Variants in PSMA5 observed in about 807,000 individuals in gnomAD.
PSMA5 encodes the protein proteasome subunit alpha type-5.
In PSMA5, 3 loss-of-function variants were observed where a neutral mutation model predicts 34.5. The observed-to-expected ratio is 0.09, with a 90% confidence interval of 0.04 to 0.22. The LOEUF is 0.22. Ranked by LOEUF, PSMA5 falls within the 10% of genes least tolerant of loss-of-function variation. The pLI, the probability that PSMA5 is intolerant of heterozygous loss-of-function variation, is 1.00. For synonymous variants in PSMA5, 88 were observed against 95.8 expected, an observed-to-expected ratio of 0.92 and a Z score of 0.47; for missense variants, 120 against 286.1, an observed-to-expected ratio of 0.42 and a Z score of 4.19.
chr1:109,423,645 G>A (rs1395800590), intron 1 of PSMA5, among the ~76,000 whole-genome samples: 1 of 152,058 alleles, frequency 6.6e-6, no homozygotes, highest in Non-Finnish European at 1.5e-5. Context: ...AAATCTTCCA[G>A]TGTTCCCAAC....
Position 109,400,779 on chromosome 1 carries a change from T to C in PSMA5, c.*1234A>G, listed in dbSNP as rs1456647628. On this transcript the variant is annotated 3_prime_UTR_variant, in exon 9 of 9. Coordinates refer to ENST00000271308, the MANE Select transcript of PSMA5 (RefSeq NM_002790.4). ...CAAATAGTCATAATTTATTAACATA[T>C]AGTACAACTTCCTACACATCAATAT... The C allele has an allele frequency of 1.3e-5, 2 of 152,226 alleles. No homozygotes were observed. Among genetic ancestry groups the C allele is most frequent in the African/African-American group, 4.8e-5 (2 of 41,452 alleles). The allele number at this position is 152,226 out of a possible 1,614,324, so 9.4% of individuals were successfully genotyped here.
At chr1:109,418,235 C>T (rs1654293874) in intron 2 of PSMA5, among the ~76,000 whole-genome samples, 1 of 151,992 alleles carries the variant, frequency 6.6e-6, no homozygotes, top group Admixed American at 6.5e-5. Flanking sequence ...TCCTCATGAC[C>T]ACTAAATTTA....
chr1:109,419,151 C>T (rs1324737763), intron 2 of PSMA5, among the ~76,000 whole-genome samples: 1 of 151,976 alleles, frequency 6.6e-6, no homozygotes, highest in African/African-American at 2.4e-5. Context: ...AAAACTCCAC[C>T]TCAAAATAAA....
chr1:109,419,597 G>T (rs1316608100), intron 2 of PSMA5, among the ~76,000 whole-genome samples: 2 of 152,098 alleles, frequency 1.3e-5, no homozygotes, highest in African/African-American at 4.8e-5. Context: ...AGGGTCAGGA[G>T]TTCGAGACCA....
chr1:109,421,930 T>C lies in PSMA5; in HGVS notation c.30-4A>G. The stretch of plus-strand genomic sequence containing the variant: ...GGGAGAAAAAGTATTCACGCCCCTA[T>C]AATTTAAAAAAAAATTATTAATTAT... On this transcript the variant is annotated splice_region_variant and splice_polypyrimidine_tract_variant and intron_variant, in intron 1 of 8. Coordinates refer to ENST00000271308, the MANE Select transcript of PSMA5 (RefSeq NM_002790.4). 3 of 1,493,122 alleles carry C rather than the reference T, an allele frequency of 2.0e-6. No individual in the cohort carries two copies. Among genetic ancestry groups the C allele is most frequent in the Non-Finnish European group, 2.7e-6 (3 of 1,129,390 alleles). The allele number at this position is 1,493,122 out of a possible 1,614,324, so 92.5% of individuals were successfully genotyped here.
At chr1:109,411,797 C>T in intron 6 of PSMA5, 80 bp downstream of exon 6, 1 of 1,401,374 alleles carries the variant, frequency 7.1e-7, no homozygotes, top group East Asian at 2.3e-5. Flanking sequence ...TAACAGTCTA[C>T]AATAATCTTC....
chr1:109,406,873 T>C (rs1301718254), intron 8 of PSMA5, among the ~76,000 whole-genome samples: 1 of 152,120 alleles, frequency 6.6e-6, no homozygotes, highest in East Asian at 1.9e-4. Context: ...AATAGGTACA[T>C]TTTACTGTAT....
intron 2 of PSMA5, among the ~76,000 whole-genome samples, chr1:109,416,850 A>G (rs1654221208): frequency 6.6e-6 from 1 of 152,304 alleles, no homozygotes; most frequent in African/African-American, 2.4e-5. Flanking sequence ...CATGCCTGTA[A>G]TCCCAGCACT....
At chr1:109,402,142 G>T in intron 8 of PSMA5, 52 bp from the exon 9 acceptor site, 1 of 1,346,472 alleles carries the variant, frequency 7.4e-7, no homozygotes, top group Non-Finnish European at 1.1e-6. Context: ...CCCTGCTGAT[G>T]GCCCTACCAT....
chr1:109,419,966 C>A (rs1654375106), intron 2 of PSMA5, among the ~76,000 whole-genome samples: 1 of 142,666 alleles, frequency 7.0e-6, no homozygotes. Flanking sequence ...GAGCAAGACT[C>A]TGTCTCAAAA....
intron 8 of PSMA5, among the ~76,000 whole-genome samples, chr1:109,406,145 A>T (rs1653750324): frequency 6.6e-6 from 1 of 152,236 alleles, no homozygotes; most frequent in Admixed American, 6.5e-5. Flanking sequence ...CCTTCAAAAA[A>T]GTCAAATGAT....
At chr1:109,414,731 T>A (rs1463968161) in intron 3 of PSMA5, 2 of 152,378 alleles carry the variant, frequency 1.3e-5, no homozygotes, top group Non-Finnish European at 2.9e-5. Context: ...CAATGCTTCA[T>A]TAATTAGATG....
At chr1:109,417,114 A>T (rs1327246156) in intron 2 of PSMA5, among the ~76,000 whole-genome samples, 1 of 152,210 alleles carries the variant, frequency 6.6e-6, no homozygotes. Flanking sequence ...CAAAAAATAA[A>T]TAAATAAAAA....
Position 109,402,079 on chromosome 1 carries a change from C to A in PSMA5, c.660G>T (p.Val220=), listed in dbSNP as rs1427955338. 6.2e-7 allele frequency: 1 copy of A among 1,612,008 alleles called. No homozygotes were observed. The highest frequency in any genetic ancestry group is 2.2e-5 in the East Asian group (1 of 44,764). The change falls in exon 9 of 9, where the codon GTG becomes GTT. Residue 220 remains valine, a synonymous_variant. Transcript: ENST00000271308. ...LNATNIELAT[V]QPGQNFHMFT... is the part of the protein sequence containing the mutation. The stretch of plus-strand genomic sequence containing the variant: ...ACATGTGGAAATTCTGGCCAGGCTG[C>A]ACTGTGGCTAGCTGGAAAGAAAACA...
intron 1 of PSMA5, chr1:109,425,980 G>C (rs1398955834): frequency 2.0e-6 from 1 of 503,068 alleles, no homozygotes; most frequent in Non-Finnish European, 3.6e-6. Flanking sequence ...AAGATGAACG[G>C]AGCAAAGAGT....
chr1:109,415,551 T>C (rs541221272), intron 2 of PSMA5, among the ~76,000 whole-genome samples, 188 bp from the exon 3 acceptor site: 2 of 152,208 alleles, frequency 1.3e-5, no homozygotes, highest in Non-Finnish European at 2.9e-5. Context: ...GCAAGAACAT[T>C]GATTTACAGA....
At chr1:109,402,547 A>C (rs1161354278) in intron 8 of PSMA5, among the ~76,000 whole-genome samples, 1 of 152,248 alleles carries the variant, frequency 6.6e-6, no homozygotes, top group African/African-American at 2.4e-5. Flanking sequence ...GAGGACAATA[A>C]GAATAGCTAA....
chr1:109,423,559 T>C (rs1195755071), intron 1 of PSMA5, among the ~76,000 whole-genome samples: 1 of 152,220 alleles, frequency 6.6e-6, no homozygotes, highest in Non-Finnish European at 1.5e-5. Context: ...AAATATTATC[T>C]CTTTAAATCC....
chr1:109,410,908 C>CAAT, intron 7 of PSMA5, 103 bp downstream of exon 7: 1 of 824,372 alleles, frequency 1.2e-6, no homozygotes, highest in Non-Finnish European at 1.9e-6. Context: ...TCTTGTTTTG[C>CAAT]AATTGTCAAA....
Sources: gnomAD v4.1 joint callset for allele counts (sites outside exome capture counted in the v4.1 genomes callset) on GRCh38, gnomAD v4.1.1 for gene constraint, MANE v1.5 for transcripts, NCBI Gene and HGNC (gene_info 2026-07-23, HGNC 2026-07-21) for gene names.